FAHD2A: variants seen among roughly 807,000 people sequenced by gnomAD.
FAHD2A encodes oxaloacetate tautomerase FAHD2A, mitochondrial.
In FAHD2A, 27 loss-of-function variants were observed where a neutral mutation model predicts 33.4. The ratio of observed to expected loss-of-function variants is 0.81; its 90% CI spans 0.60 to 1.11. The LOEUF is 1.11. Among genes scored for constraint, FAHD2A ranks in the 50% most tolerant of loss-of-function variants. FAHD2A has a pLI of 0.00. For synonymous variants in FAHD2A, 130 were observed against 153.3 expected (o/e 0.85, Z 1.12); for missense variants, 296 against 395.0 (o/e 0.75, Z 2.12).
Position 95,413,867 on chromosome 2 carries a change from T to G in FAHD2A, c.*910T>G, listed in dbSNP as rs963623220. 1.1e-5 allele frequency: 9 copies of G among 831,802 alleles called. No homozygotes were observed. The highest frequency in any genetic ancestry group is 1.9e-5 in the Non-Finnish European group (9 of 481,874). 51.5% of individuals were successfully genotyped at this position (831,802 alleles called of 1,614,324 possible). A position where few individuals can be genotyped will look rare whatever the true frequency, so the allele number is the denominator to read the frequency against. Reference sequence around the variant, plus strand: ...TAATGAGGCACCATCAGGCCAGCCCTGTGGGGTGATGGGAACATAGCTGGG... The same window carrying G: ...TAATGAGGCACCATCAGGCCAGCCCGGTGGGGTGATGGGAACATAGCTGGG... On this transcript the variant is annotated 3_prime_UTR_variant, in exon 8 of 8. Transcript: ENST00000233379.
At chr2:95,409,454 G>T (rs567568572) in intron 3 of FAHD2A, among the ~76,000 whole-genome samples, 2 of 152,032 alleles carry the variant, frequency 1.3e-5, no homozygotes, top group Admixed American at 1.3e-4. Context: ...GATTATAGGC[G>T]TGTACCACCA....
intron 3 of FAHD2A, 129 bp downstream of exon 3, chr2:95,407,286 C>T (rs1681751504): frequency 1.5e-6 from 2 of 1,369,028 alleles, no homozygotes; most frequent in Non-Finnish European, 1.0e-6. Context: ...CAGGATTGTA[C>T]ACACAGTAGT....
intron 3 of FAHD2A, among the ~76,000 whole-genome samples, chr2:95,408,001 T>C: frequency 6.6e-6 from 1 of 151,804 alleles, no homozygotes; most frequent in South Asian, 2.1e-4. Context: ...TTTTCTCCCT[T>C]GTCTTCTCCC....
chr2:95,413,952 C>T lies in FAHD2A; in HGVS notation c.*995C>T, dbSNP rs915230575. On this transcript the variant is annotated 3_prime_UTR_variant, in exon 8 of 8. Coordinates refer to ENST00000233379, the MANE Select transcript of FAHD2A (RefSeq NM_016044.3). ...GGGACAGAAGATGGTGACACTGGCT[C>T]CTCTCACCCCTAGGTCTCTGAAGGT... 11 of 1,306,746 alleles carry T rather than the reference C, an allele frequency of 8.4e-6. No individual in the cohort carries two copies. The highest frequency in any genetic ancestry group is 3.4e-5 in the Admixed American group (2 of 59,354). 80.9% of individuals were successfully genotyped at this position (1,306,746 alleles called of 1,614,324 possible).
chr2:95,417,915 A>G (rs1055064267), downstream of FAHD2A, among the ~76,000 whole-genome samples: 2 of 152,094 alleles, frequency 1.3e-5, no homozygotes, highest in African/African-American at 4.8e-5. Flanking sequence ...TTCAACATAC[A>G]TTTGGGAGTA....
At chr2:95,418,901 A>G (rs1257875467), downstream of FAHD2A, among the ~76,000 whole-genome samples, 3 of 152,120 alleles carry the variant, frequency 2.0e-5, no homozygotes, top group African/African-American at 7.3e-5. Context: ...TCAAGTTAAG[A>G]TGAGGTCATT....
chr2:95,416,862 C>T (rs1683204564), downstream of FAHD2A, among the ~76,000 whole-genome samples: 1 of 152,230 alleles, frequency 6.6e-6, no homozygotes, highest in African/African-American at 2.4e-5. Flanking sequence ...AACACTCCTT[C>T]TTTCCCTCGT....
intron 3 of FAHD2A, 181 bp downstream of exon 3, chr2:95,407,338 C>G: frequency 1.1e-6 from 1 of 878,820 alleles, no homozygotes; most frequent in Non-Finnish European, 1.7e-6. Flanking sequence ...ACGTGTTTTC[C>G]TGGTTACAAA....
In FAHD2A at chr2:95,410,980, C is replaced by G; in HGVS notation, c.639C>G (p.Thr213=). ...KQWLLGKTFD[T]FCPLGPALVT... ...GGCTGCTGGGAAAAACCTTCGACAC[C>G]TTCTGCCCTCTGGGCCCTGCCTTGG... is the stretch of plus-strand genomic sequence containing the variant. The change falls in exon 5 of 8, where the codon ACC becomes ACG. Residue 213 remains threonine (T), a synonymous_variant. Coordinates refer to ENST00000233379, the MANE Select transcript of FAHD2A (RefSeq NM_016044.3). 3 of 1,613,956 alleles carry G rather than the reference C, an allele frequency of 1.9e-6. No homozygotes were observed. The highest frequency in any genetic ancestry group is 2.5e-6 in the Non-Finnish European group (3 of 1,179,824).
At chr2:95,404,543 C>T (rs780111701) in intron 1 of FAHD2A, among the ~76,000 whole-genome samples, 19 of 152,160 alleles carry the variant, frequency 1.2e-4, no homozygotes, top group Non-Finnish European at 2.4e-4. Context: ...GATCCACCCA[C>T]CTCGGCCTCC....
downstream of FAHD2A, among the ~76,000 whole-genome samples, chr2:95,419,477 G>T (rs1285654942): frequency 1.3e-5 from 2 of 152,024 alleles, no homozygotes; most frequent in Admixed American, 6.5e-5. Flanking sequence ...GGCCTAAAAA[G>T]GTGAGGGACA....
chr2:95,419,844 G>A (rs1683290063), downstream of FAHD2A, among the ~76,000 whole-genome samples: 1 of 152,052 alleles, frequency 6.6e-6, no homozygotes, highest in African/African-American at 2.4e-5. Context: ...CAGGGGCACA[G>A]AGAGAGACAC....
intron 1 of FAHD2A, among the ~76,000 whole-genome samples, chr2:95,404,962 G>GGAAACCATT (rs1216668459): frequency 2.0e-5 from 3 of 152,182 alleles, no homozygotes; most frequent in African/African-American, 7.2e-5. Context: ...TGTGAGCAGT[G>GGAAACCATT]GAAACCATTT....
intron 5 of FAHD2A, among the ~76,000 whole-genome samples, chr2:95,411,933 G>A (rs1347397816): frequency 6.6e-6 from 1 of 152,068 alleles, no homozygotes; most frequent in Non-Finnish European, 1.5e-5. Context: ...CTACAGGCAC[G>A]CACCACCACG....
downstream of FAHD2A, among the ~76,000 whole-genome samples, chr2:95,421,289 T>C (rs1433045789): frequency 5.5e-5 from 4 of 72,712 alleles, no homozygotes; most frequent in African/African-American, 3.3e-4. Flanking sequence ...CCCTCCTCTG[T>C]AGCTCCCTTT....
At chr2:95,411,108 A>G in intron 5 of FAHD2A, 82 bp downstream of exon 5, 1 of 1,566,708 alleles carries the variant, frequency 6.4e-7, no homozygotes. Context: ...GTTCAGGTAC[A>G]TGTGGCACCT....
intron 2 of FAHD2A, 146 bp downstream of exon 2, chr2:95,405,949 T>G (rs370284727): frequency 4.9e-6 from 6 of 1,215,786 alleles, no homozygotes; most frequent in East Asian, 2.6e-5. Flanking sequence ...TCTTAAAAGA[T>G]CCTTAGAAAT....
rs1488896807 is a variant in FAHD2A at position 95,413,102 on chromosome 2, C to T, written c.*145C>T. The T allele has an allele frequency of 8.0e-7, 1 of 1,244,242 alleles. No homozygotes were observed. Among genetic ancestry groups the T allele is most frequent in the East Asian group, 2.5e-5 (1 of 39,572 alleles). 77.1% of individuals were successfully genotyped at this position (1,244,242 alleles called of 1,614,324 possible). ...GTAGAAGGGAGAAGGACAGAGCTCTCTTCAATAAATTCGTCAGGTCAAAGC... is the reference window on the plus strand; with the variant it reads ...GTAGAAGGGAGAAGGACAGAGCTCTTTTCAATAAATTCGTCAGGTCAAAGC... On this transcript the variant is annotated 3_prime_UTR_variant, in exon 8 of 8. Coordinates refer to ENST00000233379, the MANE Select transcript of FAHD2A (RefSeq NM_016044.3).
chr2:95,413,522 A>T lies in FAHD2A; in HGVS notation c.*565A>T, dbSNP rs1386382166. The T allele has an allele frequency of 1.9e-6, 3 of 1,605,880 alleles. No homozygotes were observed. In the East Asian group the frequency reaches 6.7e-5, roughly 36 times the overall value. On this transcript the variant is annotated 3_prime_UTR_variant, in exon 8 of 8. Transcript: ENST00000233379. ...TTGTCCAGGCTGGCAAAAGTAGGGGACAGGTGGAGCCTGGGGCCTGCAGGG... is the reference window on the plus strand; with the variant it reads ...TTGTCCAGGCTGGCAAAAGTAGGGGTCAGGTGGAGCCTGGGGCCTGCAGGG...
Sources: allele counts gnomAD v4.1 joint callset (sites outside exome capture counted in the v4.1 genomes callset), GRCh38; gene constraint gnomAD v4.1.1; transcripts MANE v1.5; gene names NCBI Gene and HGNC (gene_info 2026-07-23, HGNC 2026-07-21).